GALNT13: variants seen among roughly 807,000 people sequenced by gnomAD.
GALNT13 encodes UDP-GalNAc:polypeptide N-acetylgalactosaminyltransferase 13.
A neutral mutation model predicts 64.2 loss-of-function variants in GALNT13; 28 were observed. The ratio of observed to expected loss-of-function variants is 0.44; its 90% CI spans 0.32 to 0.60. GALNT13 has a LOEUF of 0.60. GALNT13 is among the 20% of genes least tolerant of loss of function. GALNT13 has a pLI of 0.05. For missense variants in GALNT13, 577 were observed against 669.8 expected, an observed-to-expected ratio of 0.86 and a Z score of 1.53; for synonymous variants, 214 against 224.6, an observed-to-expected ratio of 0.95 and a Z score of 0.42.
At chr2:153,127,333 C>T in the GALNT13 span, among the ~76,000 whole-genome samples, 1 of 152,078 alleles carries the variant, frequency 6.6e-6, no homozygotes, top group African/African-American at 2.4e-5. Flanking sequence ...TTTTTTAAAT[C>T]AAATGTTTTG....
At chr2:153,791,116 A>G in the GALNT13 span, among the ~76,000 whole-genome samples, 1 of 152,198 alleles carries the variant, frequency 6.6e-6, no homozygotes, top group Non-Finnish European at 1.5e-5. Context: ...TTTGCAAACT[A>G]TCCATCTGAC....
the GALNT13 span, among the ~76,000 whole-genome samples, chr2:153,435,527 C>T: frequency 3.3e-5 from 5 of 151,466 alleles, no homozygotes; most frequent in Non-Finnish European, 5.9e-5. Flanking sequence ...TGTAGTTCTC[C>T]TTGAAGAGGT....
At chr2:154,264,685 C>T (rs1344610052) in intron 8 of GALNT13, among the ~76,000 whole-genome samples, 1 of 151,278 alleles carries the variant, frequency 6.6e-6, no homozygotes, top group African/African-American at 2.4e-5. Context: ...AGTAAAATTA[C>T]CACTATTTGG....
intron 9 of GALNT13, among the ~76,000 whole-genome samples, chr2:154,345,943 T>C (rs1696044262): frequency 6.6e-6 from 1 of 152,102 alleles, no homozygotes; most frequent in Non-Finnish European, 1.5e-5. Flanking sequence ...ATCCAAATTA[T>C]ACTAAATCTC....
At chr2:154,308,874 G>T (rs925511264) in intron 9 of GALNT13, among the ~76,000 whole-genome samples, 1 of 152,076 alleles carries the variant, frequency 6.6e-6, no homozygotes, top group Non-Finnish European at 1.5e-5. Flanking sequence ...GCTTTTCCTT[G>T]CTACAATCAA....
At chr2:153,407,889 A>C in the GALNT13 span, among the ~76,000 whole-genome samples, 1 of 152,186 alleles carries the variant, frequency 6.6e-6, no homozygotes, top group Non-Finnish European at 1.5e-5. Context: ...CTAAAATTTA[A>C]AGTGGGGTCT....
the GALNT13 span, among the ~76,000 whole-genome samples, chr2:153,510,550 A>G: frequency 3.9e-5 from 6 of 152,122 alleles, no homozygotes; most frequent in East Asian, 1.9e-4. Flanking sequence ...AGACACACCA[A>G]CGTTGCCAGG....
chr2:153,695,555 G>T, the GALNT13 span, among the ~76,000 whole-genome samples: 1 of 152,154 alleles, frequency 6.6e-6, no homozygotes, highest in African/African-American at 2.4e-5. Context: ...AAAGGTTAAG[G>T]ACACCCTAAA....
chr2:153,446,617 T>C, the GALNT13 span, among the ~76,000 whole-genome samples: 1 of 152,198 alleles, frequency 6.6e-6, no homozygotes, highest in Admixed American at 6.5e-5. Context: ...ATGGATACCG[T>C]CACTATTTTG....
chr2:154,370,876 A>G (rs921331227), intron 9 of GALNT13, among the ~76,000 whole-genome samples: 23 of 152,166 alleles, frequency 1.5e-4, no homozygotes, highest in African/African-American at 5.5e-4. Flanking sequence ...CATTAAAACA[A>G]AAGAGTCTCA....
Position 153,944,444 on chromosome 2 carries a change from A to T in GALNT13, c.-54A>T, listed in dbSNP as rs959344620. The T allele has an allele frequency of 3.9e-6, 6 of 1,557,250 alleles. No homozygotes were observed. The highest frequency in any genetic ancestry group is 5.3e-6 in the Non-Finnish European group (6 of 1,138,968). ...GAGTTCACCTGTGTGGCTTGGATTT[A>T]TCACAGTAGCATTTGTCTTCAATCT... On this transcript the variant is annotated 5_prime_UTR_variant, in exon 3 of 13. Coordinates refer to ENST00000392825, the MANE Select transcript of GALNT13 (RefSeq NM_052917.4).
the GALNT13 span, among the ~76,000 whole-genome samples, chr2:153,399,362 C>G: frequency 2.9e-4 from 44 of 152,312 alleles, no homozygotes; most frequent in South Asian, 6.2e-4. Flanking sequence ...TAGTGTGATA[C>G]CTCCAGCTTT....
At chr2:153,481,342 T>A in the GALNT13 span, among the ~76,000 whole-genome samples, 2 of 152,222 alleles carry the variant, frequency 1.3e-5, no homozygotes, top group African/African-American at 4.8e-5. Flanking sequence ...ATCCCTTTTA[T>A]TTATCTTTTC....
At chr2:153,612,242 G>T in the GALNT13 span, among the ~76,000 whole-genome samples, 2 of 152,040 alleles carry the variant, frequency 1.3e-5, no homozygotes, top group African/African-American at 4.8e-5. Flanking sequence ...TGTTGATGGG[G>T]GTGTAAATTA....
At chr2:153,536,239 C>G in the GALNT13 span, among the ~76,000 whole-genome samples, 1 of 152,200 alleles carries the variant, frequency 6.6e-6, no homozygotes, top group Non-Finnish European at 1.5e-5. Flanking sequence ...CCTTGCATGA[C>G]TGAGTTTCCC....
chr2:154,362,112 G>T (rs1697103654), intron 9 of GALNT13, among the ~76,000 whole-genome samples: 1 of 91,920 alleles, frequency 1.1e-5, no homozygotes. Context: ...ATAAACAACT[G>T]AGTGTCCACA....
the GALNT13 span, among the ~76,000 whole-genome samples, chr2:153,201,984 T>C: frequency 2.4e-4 from 36 of 147,630 alleles, no homozygotes; most frequent in African/African-American, 6.7e-4. Flanking sequence ...TTTTTTTTTT[T>C]TTTTTTTTTT....
the GALNT13 span, among the ~76,000 whole-genome samples, chr2:153,490,973 A>AC: frequency 6.6e-6 from 1 of 151,920 alleles, no homozygotes; most frequent in East Asian, 1.9e-4. Flanking sequence ...AAAAAAAAAA[A>AC]AAAATTATAA....
the GALNT13 span, among the ~76,000 whole-genome samples, chr2:153,218,715 T>C: frequency 3.3e-5 from 5 of 152,190 alleles, no homozygotes; most frequent in Admixed American, 3.3e-4. Flanking sequence ...ACTTTTTGTT[T>C]TTCTCCTTCC....
Sources: gnomAD v4.1 joint callset for allele counts (sites outside exome capture counted in the v4.1 genomes callset) on GRCh38, gnomAD v4.1.1 for gene constraint, MANE v1.5 for transcripts, NCBI Gene and HGNC (gene_info 2026-07-23, HGNC 2026-07-21) for gene names.